Variants in ERRFI1 observed in about 807,000 individuals in gnomAD.
ERRFI1 encodes ERBB receptor feedback inhibitor 1, also known as mitogen-inducible gene 6 protein.
Under a neutral mutation model 14.6 loss-of-function variants are expected in ERRFI1, and 12 were observed. The ratio of observed to expected loss-of-function variants is 0.82; its 90% confidence interval spans 0.53 to 1.33. The LOEUF (loss-of-function observed/expected upper bound fraction) is 1.33, where lower values mean the gene tolerates loss of function less well. Among genes scored for constraint, ERRFI1 ranks in the 40% most tolerant of loss-of-function variants. The probability of loss-of-function intolerance (pLI) is 0.00; values close to 1 mark genes in which losing one functional copy is unlikely to be tolerated. For synonymous variants in ERRFI1, 202 were observed against 209.9 expected (o/e 0.96, Z 0.32); for missense variants, 482 against 572.1 (o/e 0.84, Z 1.61).
At position 8,012,199 on chromosome 1, in the gene ERRFI1, A is replaced by T. The variant is rs894111867; in HGVS notation, c.*1011T>A. 7 of 231,416 alleles carry T rather than the reference A, an allele frequency of 3.0e-5. No individual in the cohort carries two copies. The highest frequency in any genetic ancestry group is 8.8e-5 in the African/African-American group (4 of 45,216). 14.3% of individuals were successfully genotyped at this position (231,416 alleles called of 1,614,324 possible). A position where few individuals can be genotyped will look rare whatever the true frequency, so the allele number is the denominator to read the frequency against. ...ACTTAAAAAGCAAACAATCCCCAGG[A>T]AATACTGAATAGGAACCAGCAACAC... On this transcript the variant is annotated 3_prime_UTR_variant, in exon 4 of 4. Coordinates refer to ENST00000377482, the MANE Select transcript of ERRFI1 (RefSeq NM_018948.4).
intron 1 of ERRFI1, among the ~76,000 whole-genome samples, chr1:8,018,325 T>C (rs1641216076): frequency 7.9e-6 from 1 of 126,338 alleles, no homozygotes; most frequent in Admixed American, 1.0e-4. Flanking sequence ...TGAAACTTTC[T>C]CTCTCTCTAA....
In ERRFI1 at chr1:8,013,753, C is replaced by T. The variant is rs1174146279; in HGVS notation, c.846G>A (p.Glu282=). Residue 282 remains glutamate, a synonymous_variant, in exon 4 of 4, where the codon GAG becomes GAA. Coordinates refer to ENST00000377482, the MANE Select transcript of ERRFI1 (RefSeq NM_018948.4). This position sits in a 1 kb window ranked among gnomAD's most constrained non-coding sequence, Gnocchi z 4.3. ...GAGGTATGGGAACTCTGGGGGGAAC[C>T]TCAGGTTTGTCTTCATCGGAGTTAG... The part of the protein sequence containing the change: ...ASPNSDEDKP[E]VPPRVPIPPR... 1 of 1,614,006 alleles carries T rather than the reference C, an allele frequency of 6.2e-7. No individual in the cohort carries two copies. The highest frequency in any genetic ancestry group is 1.3e-5 in the African/African-American group (1 of 74,892).
chr1:8,017,009 T>C (rs1488758747), intron 1 of ERRFI1, among the ~76,000 whole-genome samples: 1 of 151,862 alleles, frequency 6.6e-6, no homozygotes, highest in Non-Finnish European at 1.5e-5. Flanking sequence ...CTCAATCACC[T>C]TTTAACAATC....
Position 8,013,850 on chromosome 1 carries a change from T to C in ERRFI1, c.749A>G (p.His250Arg). The C allele has an allele frequency of 1.9e-6, 3 of 1,614,174 alleles. No homozygotes were observed. The highest frequency in any genetic ancestry group is 1.1e-5 in the South Asian group (1 of 91,070). ...GTTAAAGGAGCCAGCTGGTCCCGAA[T>C]GAGACCTTCTTAATCTTCGGTGGGT... ...PQTHRRLRRS[H>R]SGPAGSFNKP... The change falls in exon 4 of 4, where the codon CAT (histidine) becomes CGT (arginine). Residue 250 changes from histidine (H) to arginine (R), a missense_variant. Coordinates refer to ENST00000377482, the MANE Select transcript of ERRFI1 (RefSeq NM_018948.4). The surrounding 1 kb of genome is among the most constrained non-coding windows in gnomAD (Gnocchi z 4.3).
intron 1 of ERRFI1, among the ~76,000 whole-genome samples, chr1:8,019,324 C>T (rs542411897): frequency 9.9e-5 from 15 of 152,270 alleles, no homozygotes; most frequent in Non-Finnish European, 1.6e-4. Flanking sequence ...TTTTCAAGCG[C>T]GCTTCTATTT....
intron 1 of ERRFI1, among the ~76,000 whole-genome samples, chr1:8,025,072 CCT>C (rs753213264): frequency 3.3e-5 from 5 of 152,124 alleles, no homozygotes; most frequent in East Asian, 1.9e-4. Context: ...TTTCTTCACC[CCT>C]GACAGTTGCC....
At chr1:8,024,615 C>T (rs1641319092) in intron 1 of ERRFI1, among the ~76,000 whole-genome samples, 1 of 152,184 alleles carries the variant, frequency 6.6e-6, no homozygotes, top group Admixed American at 6.5e-5. Context: ...CACTTATTAT[C>T]GAGTGTCCCC....
intron 1 of ERRFI1, among the ~76,000 whole-genome samples, chr1:8,022,328 T>G (rs1355592081): frequency 6.6e-6 from 1 of 152,220 alleles, no homozygotes; most frequent in African/African-American, 2.4e-5. Context: ...TTTCACAGCA[T>G]GGATCCCAAT....
chr1:8,014,860 C>G (rs1641150346), intron 3 of ERRFI1: 1 of 208,442 alleles, frequency 4.8e-6, no homozygotes, highest in South Asian at 1.0e-4. Flanking sequence ...GTGTTCAGTT[C>G]ACACACAGCT....
intron 1 of ERRFI1, among the ~76,000 whole-genome samples, chr1:8,021,710 G>A (rs531284599): frequency 6.6e-6 from 1 of 152,262 alleles, no homozygotes; most frequent in African/African-American, 2.4e-5. Context: ...GGTTCTAAGT[G>A]CTTTATGTGT....
intron 1 of ERRFI1, among the ~76,000 whole-genome samples, chr1:8,025,254 G>A (rs1409769960): frequency 6.6e-6 from 1 of 152,148 alleles, no homozygotes; most frequent in Non-Finnish European, 1.5e-5. Flanking sequence ...TCCTAATAAA[G>A]ACTTAGCAAG....
chr1:8,012,994 A>T lies in ERRFI1; in HGVS notation c.*216T>A. 1.9e-6 allele frequency: 1 copy of T among 538,830 alleles called. No individual in the cohort carries two copies. Among genetic ancestry groups the T allele is most frequent in the Non-Finnish European group, 3.2e-6 (1 of 309,660 alleles). The allele number at this position is 538,830 out of a possible 1,614,324, so 33.4% of individuals were successfully genotyped here. On this transcript the variant is annotated 3_prime_UTR_variant, in exon 4 of 4. Transcript: ENST00000377482. Reference sequence around the variant, plus strand: ...TCCCCTCCCCACCATCACATCTTTAAATTATAGACTTGTAAGACTTTTTTC... The same window carrying T: ...TCCCCTCCCCACCATCACATCTTTATATTATAGACTTGTAAGACTTTTTTC...
At chr1:8,025,912 G>A (rs1311810369) in intron 1 of ERRFI1, among the ~76,000 whole-genome samples, 3 of 151,870 alleles carry the variant, frequency 2.0e-5, no homozygotes, top group Non-Finnish European at 4.4e-5. Flanking sequence ...GGCGTCCCCA[G>A]GCCCGGGCTG....
Position 8,013,201 on chromosome 1 carries a change from C to A in ERRFI1, c.*9G>T. Reference sequence around the variant, plus strand: ...CTATGTAACCTCTGCTGAACCATGACCCCAAGGTCTAAGGAGAAACCACAT... The same window carrying A: ...CTATGTAACCTCTGCTGAACCATGAACCCAAGGTCTAAGGAGAAACCACAT... On this transcript the variant is annotated 3_prime_UTR_variant, in exon 4 of 4. Transcript: ENST00000377482. This position sits in a 1 kb window ranked among gnomAD's most constrained non-coding sequence, Gnocchi z 4.3. The A allele has an allele frequency of 6.3e-7, 1 of 1,590,474 alleles. No homozygotes were observed. Among genetic ancestry groups the A allele is most frequent in the Non-Finnish European group, 8.6e-7 (1 of 1,168,820 alleles).
chr1:8,013,397 G>C lies in ERRFI1; in HGVS notation c.1202C>G (p.Pro401Arg), dbSNP rs760249049. The change falls in exon 4 of 4, where the codon CCA becomes CGA. Residue 401 changes from proline to arginine, a missense_variant. Pro to Arg is a moderately radical substitution (Grantham distance 103, BLOSUM62 -2). Coordinates refer to ENST00000377482, the MANE Select transcript of ERRFI1 (RefSeq NM_018948.4). This position sits in a 1 kb window ranked among gnomAD's most constrained non-coding sequence, Gnocchi z 4.3. ...STHYYLLPERPPYLDKYEKFF... is the reference protein window; with the variant it reads ...STHYYLLPERRPYLDKYEKFF... ...TTTTTCATATTTGTCCAGGTATGGTGGTCGTTCAGGTAGTAGGTAATAATG... is the reference window on the plus strand; with the variant it reads ...TTTTTCATATTTGTCCAGGTATGGTCGTCGTTCAGGTAGTAGGTAATAATG... 3 of 1,614,152 alleles carry C rather than the reference G, an allele frequency of 1.9e-6. No individual in the cohort carries two copies. Among genetic ancestry groups the C allele is most frequent in the Non-Finnish European group, 1.7e-6 (2 of 1,180,030 alleles).
rs753986644 is a variant in ERRFI1, at chr1:8,013,567, C to T, written c.1032G>A (p.Gly344=). ...CAAAGCTCTGTGTCGGGGGCATGACCCCATTGAGGTAAGACGGAAGGCTTT... is the reference window on the plus strand; with the variant it reads ...CAAAGCTCTGTGTCGGGGGCATGACTCCATTGAGGTAAGACGGAAGGCTTT... ...SPKSLPSYLN[G]VMPPTQSFAP... The change falls in exon 4 of 4, where the codon GGG becomes GGA. Residue 344 remains glycine, a synonymous_variant. Coordinates refer to ENST00000377482, the MANE Select transcript of ERRFI1 (RefSeq NM_018948.4). The surrounding 1 kb of genome is among the most constrained non-coding windows in gnomAD (Gnocchi z 4.3). 6.2e-7 allele frequency: 1 copy of T among 1,614,034 alleles called. No homozygotes were observed. Among genetic ancestry groups the T allele is most frequent in the Non-Finnish European group, 8.5e-7 (1 of 1,180,022 alleles).
rs1318300766 is a variant in ERRFI1 at position 8,013,533 on chromosome 1, G to T, written c.1066C>A (p.Pro356Thr). 1 of 1,613,976 alleles carries T rather than the reference G, an allele frequency of 6.2e-7. No homozygotes were observed. Among genetic ancestry groups the T allele is most frequent in the Non-Finnish European group, 8.5e-7 (1 of 1,180,056 alleles). Residue 356 changes from proline to threonine, a missense_variant, in exon 4 of 4, where the codon CCC (proline) becomes ACC (threonine). By Grantham distance (38) the Pro-to-Thr change is conservative. Coordinates refer to ENST00000377482, the MANE Select transcript of ERRFI1 (RefSeq NM_018948.4). This position sits in a 1 kb window ranked among gnomAD's most constrained non-coding sequence, Gnocchi z 4.3. ...AGTGCTTTGCTGCTGACATACTTGG[G>T]ATCAGGGGCAAAGCTCTGTGTCGGG... ...MPPTQSFAPD[P>T]KYVSSKALQR... is the part of the protein sequence containing the mutation.
intron 2 of ERRFI1, 27 bp downstream of exon 2, chr1:8,015,468 T>A: frequency 6.2e-7 from 1 of 1,614,140 alleles, no homozygotes; most frequent in Non-Finnish European, 8.5e-7. Context: ...TTATCCAGAT[T>A]ACAGCAGCAT....
rs2124059657 is a variant in ERRFI1, at chr1:8,014,015, A to G, written c.584T>C (p.Val195Ala). The G allele has an allele frequency of 1.2e-6, 2 of 1,614,174 alleles. No individual in the cohort carries two copies. The highest frequency in any genetic ancestry group is 1.1e-5 in the South Asian group (1 of 91,088). Residue 195 changes from valine (V) to alanine (A), a missense_variant, in exon 4 of 4, where the codon GTT becomes GCT. Val to Ala is a moderately conservative substitution (Grantham distance 64). Coordinates refer to ENST00000377482, the MANE Select transcript of ERRFI1 (RefSeq NM_018948.4). ...DSTLSDFKYD[V>A]PGRRSFRGCG... Reference sequence around the variant, plus strand: ...CCCACGGAAGCTTCGCCTGCCAGGAACATCATATTTGAAATCAGAAAGTGT... The same window carrying G: ...CCCACGGAAGCTTCGCCTGCCAGGAGCATCATATTTGAAATCAGAAAGTGT...
Sources: allele counts gnomAD v4.1 joint callset (sites outside exome capture counted in the v4.1 genomes callset), GRCh38; gene constraint gnomAD v4.1.1; non-coding constraint Gnocchi (gnomAD v3.1); transcripts MANE v1.5; gene names NCBI Gene and HGNC (gene_info 2026-07-23, HGNC 2026-07-21).